The following DNAI4 variants were observed in gnomAD, a reference collection of about 807,000 sequenced individuals.
DNAI4 encodes WD repeat domain 78.
DNAI4 carries 85 observed loss-of-function variants against 105.8 expected under a neutral mutation model. That is an observed-to-expected ratio of 0.80 (90% CI 0.67 to 0.96). The LOEUF (loss-of-function observed/expected upper bound fraction) is 0.96, where lower values mean the gene tolerates loss of function less well. Ranked by LOEUF, DNAI4 falls within the 40% of genes least tolerant of loss-of-function variation. The probability of loss-of-function intolerance (pLI) is 0.00; values close to 1 mark genes in which losing one functional copy is unlikely to be tolerated. For missense variants in DNAI4, 1,014 were observed against 1,005.6 expected, an observed-to-expected ratio of 1.01 and a Z score of -0.11; for synonymous variants, 352 against 331.5, an observed-to-expected ratio of 1.06 and a Z score of -0.67.
chr1:66,868,265 T>G (rs139646300), intron 6 of DNAI4, among the ~76,000 whole-genome samples: 3 of 152,356 alleles, frequency 2.0e-5, no homozygotes, highest in African/African-American at 7.2e-5. Context: ...AACCTTGTTT[T>G]AAAAACTACA....
At chr1:66,836,200 GAAAGAAA>G (rs1645994162) in intron 10 of DNAI4, among the ~76,000 whole-genome samples, 2 of 52,186 alleles carry the variant, frequency 3.8e-5, no homozygotes, top group Non-Finnish European at 8.7e-5. Context: ...AAGAAAGAAA[GAAAGAAA>G]GAGAGAGAGA....
chr1:66,873,335 G>A (rs1272029202), intron 5 of DNAI4, among the ~76,000 whole-genome samples: 4 of 149,476 alleles, frequency 2.7e-5, no homozygotes, highest in Admixed American at 6.7e-5. Flanking sequence ...ACAACTTCCC[G>A]TGATCAATCA....
chr1:66,828,938 G>A (rs1245893578), intron 13 of DNAI4, among the ~76,000 whole-genome samples: 5 of 152,024 alleles, frequency 3.3e-5, no homozygotes, highest in South Asian at 2.1e-4. Flanking sequence ...TTTCGCTAGC[G>A]ATCTTCAAGG....
At chr1:66,856,615 A>G (rs1367766860) in intron 7 of DNAI4, among the ~76,000 whole-genome samples, 1 of 152,178 alleles carries the variant, frequency 6.6e-6, no homozygotes, top group Non-Finnish European at 1.5e-5. Context: ...GAAAAATTTA[A>G]AAGAATAGAA....
chr1:66,847,836 A>G (rs1646311052), intron 7 of DNAI4, 158 bp from the exon 8 acceptor site: 2 of 602,396 alleles, frequency 3.3e-6, no homozygotes, highest in African/African-American at 1.9e-5. Context: ...TACCAAGCAC[A>G]TGAAAGATGC....
chr1:66,871,210 A>G, intron 6 of DNAI4, 160 bp downstream of exon 6: 2 of 531,982 alleles, frequency 3.8e-6, no homozygotes. Context: ...AACATGTCAA[A>G]TTCTGAAAGC....
At chr1:66,816,604 C>A (rs1280311544) in intron 16 of DNAI4, among the ~76,000 whole-genome samples, 1 of 151,794 alleles carries the variant, frequency 6.6e-6, no homozygotes, top group Non-Finnish European at 1.5e-5. Context: ...AAAAATATAA[C>A]CCTAAGCCTT....
At chr1:66,919,027 G>A in intron 1 of DNAI4, 1 of 405,750 alleles carries the variant, frequency 2.5e-6, no homozygotes, top group South Asian at 1.9e-5. Flanking sequence ...CCTGTGACCT[G>A]GAAGCCCCCT....
chr1:66,883,714 T>C (rs1647131610), intron 4 of DNAI4, among the ~76,000 whole-genome samples: 2 of 152,196 alleles, frequency 1.3e-5, no homozygotes, highest in South Asian at 4.1e-4. Flanking sequence ...AATTTTTAAA[T>C]TGTAAAGTGA....
chr1:66,822,487 G>T lies in DNAI4; in HGVS notation c.2370C>A (p.Asn790Lys), dbSNP rs774079724. 2.2e-5 allele frequency: 35 copies of T among 1,610,796 alleles called. 1 individual carries two copies. Among genetic ancestry groups the T allele is most frequent in the Admixed American group, 1.2e-4 (7 of 59,386 alleles). Residue 790 changes from asparagine to lysine, a missense_variant, in exon 16 of 17, where the codon AAC becomes AAA. Asn to Lys is a moderately conservative substitution (Grantham distance 94). Coordinates refer to ENST00000371026, the MANE Select transcript of DNAI4 (RefSeq NM_024763.5). ...TLDPLIVNTA[N>K]PGIKFTTILF... ...GAATGGTTGTGAACTTGATTCCAGG[G>T]TTAGCAGTATTCACAATCAGAGGGT... is the stretch of plus-strand genomic sequence containing the variant.
In DNAI4 at chr1:66,901,269, T is replaced by C. The variant is rs1648796300; in HGVS notation, c.345+3932A>G. Among the ~76,000 whole-genome samples the C allele has an allele frequency of 2.0e-5, 3 of 152,194 alleles. No homozygotes were observed. The South Asian group carries it at 6.2e-4, about 32-fold the overall frequency. On this transcript the variant is annotated intron_variant, in intron 2 of 16. Transcript: ENST00000371026. ...TATTTTGTGTTATTCACTCTTTTTT[T>C]TCAGTTTCTTCAGTTGGAAGGGTAA... is the stretch of plus-strand genomic sequence containing the variant.
chr1:66,908,120 T>C (rs1397740321), intron 1 of DNAI4, among the ~76,000 whole-genome samples: 2 of 152,226 alleles, frequency 1.3e-5, no homozygotes, highest in Non-Finnish European at 2.9e-5. Context: ...TTATTTCCAA[T>C]TATCCTCTTA....
intron 8 of DNAI4, among the ~76,000 whole-genome samples, chr1:66,845,215 A>AAAAAT (rs1557918736): frequency 3.2e-5 from 1 of 31,022 alleles, no homozygotes; most frequent in Admixed American, 3.5e-4. Flanking sequence ...AAAAAGAAAA[A>AAAAAT]TTAAAAAAAA....
At chr1:66,866,658 A>G (rs1200721630) in intron 6 of DNAI4, among the ~76,000 whole-genome samples, 2 of 152,192 alleles carry the variant, frequency 1.3e-5, no homozygotes, top group Non-Finnish European at 2.9e-5. Flanking sequence ...TTGAAAAAAT[A>G]TACAGGAGGG....
At chr1:66,891,407 A>C in intron 3 of DNAI4, 141 bp from the exon 4 acceptor site, 1 of 571,996 alleles carries the variant, frequency 1.7e-6, no homozygotes, top group Non-Finnish European at 3.1e-6. Context: ...TAATTTTTAA[A>C]TAATGAGTTG....
At chr1:66,885,661 C>T (rs1647180114) in intron 4 of DNAI4, among the ~76,000 whole-genome samples, 1 of 151,506 alleles carries the variant, frequency 6.6e-6, no homozygotes, top group Non-Finnish European at 1.5e-5. Context: ...AGTTCAAGAC[C>T]AGCCTGGGCA....
chr1:66,874,730 G>T, intron 5 of DNAI4, 51 bp downstream of exon 5: 1 of 1,559,226 alleles, frequency 6.4e-7, no homozygotes, highest in Non-Finnish European at 8.6e-7. Flanking sequence ...AAGAACCCTT[G>T]GCTTAGCATT....
chr1:66,864,337 T>C (rs1646687163), intron 6 of DNAI4, among the ~76,000 whole-genome samples: 1 of 152,216 alleles, frequency 6.6e-6, no homozygotes, highest in Non-Finnish European at 1.5e-5. Flanking sequence ...TTTATAATTA[T>C]ATGCTATTAA....
intron 1 of DNAI4, among the ~76,000 whole-genome samples, chr1:66,923,253 C>T (rs1650671824): frequency 6.6e-6 from 1 of 152,210 alleles, no homozygotes; most frequent in African/African-American, 2.4e-5. Context: ...TTACACAAAC[C>T]TAGATGTATA....
Sources: gnomAD v4.1 joint callset for allele counts (sites outside exome capture counted in the v4.1 genomes callset) on GRCh38, gnomAD v4.1.1 for gene constraint, MANE v1.5 for transcripts, NCBI Gene and HGNC (gene_info 2026-07-23, HGNC 2026-07-21) for gene names.